N4BP2L2: variants seen among roughly 807,000 people sequenced by gnomAD.
N4BP2L2 encodes NEDD4-binding protein 2-like 2.
In N4BP2L2, 50 loss-of-function variants were observed where a neutral mutation model predicts 56.2. That is an observed-to-expected ratio of 0.89 (90% CI 0.71 to 1.13). N4BP2L2 has a LOEUF of 1.13. N4BP2L2 is among the 50% of genes most tolerant of loss of function. The pLI is 0.00. For synonymous variants in N4BP2L2, 203 were observed against 223.6 expected, an observed-to-expected ratio of 0.91 and a Z score of 0.82; for missense variants, 689 against 693.8, an observed-to-expected ratio of 0.99 and a Z score of 0.08.
At chr13:32,485,568 T>TA (rs2085675149) in intron 6 of N4BP2L2, among the ~76,000 whole-genome samples, 1 of 152,110 alleles carries the variant, frequency 6.6e-6, no homozygotes, top group African/African-American at 2.4e-5. Flanking sequence ...TCTAGCTATA[T>TA]AAAAAAATGA....
At chr13:32,457,934 C>G (rs2079253427) in intron 6 of N4BP2L2, among the ~76,000 whole-genome samples, 1 of 152,144 alleles carries the variant, frequency 6.6e-6, no homozygotes, top group African/African-American at 2.4e-5. Context: ...AAACAATGAA[C>G]AAAATGACAG....
At chr13:32,526,636 C>T (rs899087505) in intron 3 of N4BP2L2, among the ~76,000 whole-genome samples, 11 of 151,732 alleles carry the variant, frequency 7.2e-5, no homozygotes, top group Non-Finnish European at 1.6e-4. Flanking sequence ...ATCATCAATC[C>T]ATTCTTTTAA....
Position 32,465,553 on chromosome 13 carries a change from C to T in N4BP2L2, c.366-21427G>A, listed in dbSNP as rs184454707. On this transcript the variant is annotated intron_variant, in intron 6 of 9. Coordinates refer to the N4BP2L2 transcript ENST00000357505. Reference sequence around the variant, plus strand: ...ACACACAGCCACAAAAAGAGTTTCACAAAACAATATTTTCCCATAATATAC... The same window carrying T: ...ACACACAGCCACAAAAAGAGTTTCATAAAACAATATTTTCCCATAATATAC... 6.2e-4 allele frequency among the ~76,000 whole-genome samples: 95 copies of T among 152,256 alleles called. No homozygotes were observed. The Middle Eastern group carries it at 0.01, about 16-fold the overall frequency.
intron 5 of N4BP2L2, among the ~76,000 whole-genome samples, chr13:32,520,270 G>C (rs1819271832): frequency 6.6e-6 from 1 of 151,664 alleles, no homozygotes; most frequent in Non-Finnish European, 1.5e-5. Flanking sequence ...TTAAATAGGT[G>C]AATTGTAAGG....
intron 6 of N4BP2L2, among the ~76,000 whole-genome samples, chr13:32,499,102 C>T (rs559703650): frequency 2.0e-5 from 3 of 152,032 alleles, no homozygotes; most frequent in African/African-American, 7.2e-5. Context: ...CCACTGCCTA[C>T]AGGCCTTCTC....
exon 7 of N4BP2L2, chr13:32,443,033 A>G (rs2076587525): frequency 6.2e-7 from 1 of 1,609,304 alleles, no homozygotes; most frequent in Non-Finnish European, 8.5e-7. Flanking sequence ...CTCTGTCCTA[A>G]TAAGTCAAAA....
chr13:32,533,454 G>A (rs1389021370), intron 2 of N4BP2L2, among the ~76,000 whole-genome samples: 1 of 150,102 alleles, frequency 6.7e-6, no homozygotes, highest in African/African-American at 2.5e-5. Context: ...TACCTCCAAA[G>A]AATATGAATT....
At chr13:32,478,035 TA>T (rs1200818306) in intron 6 of N4BP2L2, 4 of 1,289,134 alleles carry the variant, frequency 3.1e-6, no homozygotes, top group Non-Finnish European at 4.0e-6. Context: ...TCATCCCCAT[TA>T]GTCTGCTGGT....
At chr13:32,517,101 T>C (rs970387976) in exon 6 of N4BP2L2, 4 of 982,030 alleles carry the variant, frequency 4.1e-6, no homozygotes, top group African/African-American at 3.5e-5. Flanking sequence ...TAAAACATTA[T>C]TAGAATCACT....
chr13:32,536,353 A>G, exon 2 of N4BP2L2: 4 of 1,614,070 alleles, frequency 2.5e-6, no homozygotes, highest in South Asian at 1.1e-5. Flanking sequence ...TAGCTTTATT[A>G]CTAAGATCTT....
intron 6 of N4BP2L2, among the ~76,000 whole-genome samples, chr13:32,468,721 C>T (rs2081718218): frequency 6.6e-6 from 1 of 152,208 alleles, no homozygotes; most frequent in Non-Finnish European, 1.5e-5. Flanking sequence ...TGTGTAAGCT[C>T]ATACTGGGCT....
intron 6 of N4BP2L2, among the ~76,000 whole-genome samples, chr13:32,444,295 C>T (rs1177777907): frequency 6.6e-6 from 1 of 152,150 alleles, no homozygotes; most frequent in Non-Finnish European, 1.5e-5. Flanking sequence ...GATGGAGTCT[C>T]GCTTCATTGC....
At chr13:32,438,672 G>C (rs1200059123) in exon 8 of N4BP2L2, 1 of 1,606,806 alleles carries the variant, frequency 6.2e-7, no homozygotes, top group Non-Finnish European at 8.5e-7. Flanking sequence ...ATCTTCCATT[G>C]CAAGTAGATC....
intron 6 of N4BP2L2, among the ~76,000 whole-genome samples, chr13:32,494,590 C>T (rs987690866): frequency 4.0e-5 from 6 of 151,788 alleles, no homozygotes; most frequent in Non-Finnish European, 5.9e-5. Flanking sequence ...GGTGAAACCC[C>T]GTCTCTACTA....
intron 5 of N4BP2L2, among the ~76,000 whole-genome samples, chr13:32,518,566 T>C (rs1208338435): frequency 1.3e-5 from 2 of 152,156 alleles, no homozygotes; most frequent in Admixed American, 1.3e-4. Flanking sequence ...AAAGCTTTGA[T>C]AAAAGGCAAA....
chr13:32,444,051 C>A (rs758693678), exon 7 of N4BP2L2: 2 of 1,594,266 alleles, frequency 1.3e-6, no homozygotes, highest in East Asian at 2.3e-5. Context: ...GACTGTTCTG[C>A]TTTTTGTTTC....
At chr13:32,450,621 G>C (rs1177828243) in intron 6 of N4BP2L2, among the ~76,000 whole-genome samples, 1 of 110,522 alleles carries the variant, frequency 9.0e-6, no homozygotes, top group East Asian at 3.1e-4. Context: ...ACTGCGCCCG[G>C]CTTTTTTTGT....
chr13:32,503,156 G>T (rs557302498), intron 6 of N4BP2L2, among the ~76,000 whole-genome samples: 2 of 106,294 alleles, frequency 1.9e-5, no homozygotes, highest in Non-Finnish European at 3.4e-5. Flanking sequence ...CTAGGTGACA[G>T]AGCAAGACTC....
At chr13:32,509,591 T>G (rs1459925563), downstream of N4BP2L2, among the ~76,000 whole-genome samples, 1 of 152,190 alleles carries the variant, frequency 6.6e-6, no homozygotes, top group Non-Finnish European at 1.5e-5. Context: ...GTTTTAATTT[T>G]CAAAATGTCT....
Sources: gnomAD v4.1 joint callset for allele counts (sites outside exome capture counted in the v4.1 genomes callset) on GRCh38, gnomAD v4.1.1 for gene constraint, MANE v1.5 for transcripts, NCBI Gene and HGNC (gene_info 2026-07-23, HGNC 2026-07-21) for gene names.